The following UCK2 variants were observed in gnomAD, a reference collection of about 807,000 sequenced individuals.
The protein encoded by UCK2 is uridine-cytidine kinase 2, also known as cytidine monophosphokinase 2.
In UCK2, 6 loss-of-function variants were observed where a neutral mutation model predicts 30.8. The ratio of observed to expected loss-of-function variants is 0.19; its 90% CI spans 0.11 to 0.38. UCK2 has a LOEUF of 0.38. Ranked by LOEUF, UCK2 falls within the 10% of genes least tolerant of loss-of-function variation. The probability of loss-of-function intolerance (pLI) is 1.00; values close to 1 mark genes in which losing one functional copy is unlikely to be tolerated. For synonymous variants in UCK2, 125 were observed against 133.6 expected (o/e 0.94, Z 0.45); for missense variants, 210 against 339.8 (o/e 0.62, Z 3.00).
intron 3 of UCK2, among the ~76,000 whole-genome samples, chr1:165,892,412 A>G (rs1655793994): frequency 1.3e-5 from 2 of 152,176 alleles, no homozygotes; most frequent in Admixed American, 6.5e-5. Flanking sequence ...CTGGAGCAGA[A>G]GCTGGGGTTC....
chr1:165,852,951 T>C (rs1654635171), intron 1 of UCK2, among the ~76,000 whole-genome samples: 2 of 152,260 alleles, frequency 1.3e-5, no homozygotes, highest in Admixed American at 6.5e-5. Context: ...TAAAGGTTAT[T>C]GTTCCCAAGT....
At chr1:165,860,412 CATG>C in intron 1 of UCK2, among the ~76,000 whole-genome samples, 1 of 152,250 alleles carries the variant, frequency 6.6e-6, no homozygotes, top group African/African-American at 2.4e-5. Context: ...TGCAGTTGTG[CATG>C]ATGTTTGTGC....
chr1:165,896,134 C>G, intron 3 of UCK2, 56 bp from the exon 4 acceptor site: 2 of 1,607,628 alleles, frequency 1.2e-6, no homozygotes, highest in South Asian at 1.1e-5. Flanking sequence ...CCCTTGTTCT[C>G]TGTCCCTTGC....
chr1:165,901,532 CA>C (rs1647463400), intron 4 of UCK2, among the ~76,000 whole-genome samples: 1 of 152,136 alleles, frequency 6.6e-6, no homozygotes, highest in Non-Finnish European at 1.5e-5. Flanking sequence ...TGTTCGTTTA[CA>C]GTGAGTTTCA....
chr1:165,880,962 AGG>A (rs1655483391), intron 1 of UCK2, among the ~76,000 whole-genome samples: 1 of 152,024 alleles, frequency 6.6e-6, no homozygotes, highest in South Asian at 2.1e-4. Flanking sequence ...ACTTTGGGTC[AGG>A]AGTTCGAGAC....
chr1:165,835,310 A>G (rs1288569075), intron 1 of UCK2, among the ~76,000 whole-genome samples: 1 of 151,676 alleles, frequency 6.6e-6, no homozygotes, highest in Non-Finnish European at 1.5e-5. Context: ...TTTTGCACAT[A>G]TAATATATAT....
At chr1:165,841,708 C>T (rs578122880) in intron 1 of UCK2, among the ~76,000 whole-genome samples, 1 of 152,302 alleles carries the variant, frequency 6.6e-6, no homozygotes, top group South Asian at 2.1e-4. Context: ...AGGTCTGACT[C>T]ATCTGTGCTA....
chr1:165,876,491 T>A lies in UCK2; in HGVS notation c.100-13713T>A, dbSNP rs141260867. Among the ~76,000 whole-genome samples the A allele has an allele frequency of 5.8e-3, 882 of 152,264 alleles. 4 individuals are homozygous for A. The highest frequency in any genetic ancestry group is 8.7e-3 in the Non-Finnish European group (591 of 68,024). On this transcript the variant is annotated intron_variant, in intron 1 of 6. Transcript: ENST00000367879. ...ACCAGGAAAAATTCTGCAGGACAAG[T>A]TTGTAAAATGCAATGATACATCTTT... is the stretch of plus-strand genomic sequence containing the variant.
At chr1:165,852,849 G>A (rs1411590971) in intron 1 of UCK2, among the ~76,000 whole-genome samples, 1 of 152,208 alleles carries the variant, frequency 6.6e-6, no homozygotes, top group Non-Finnish European at 1.5e-5. Context: ...AGCATGGGAA[G>A]TGTTGCCACA....
Position 165,828,323 on chromosome 1 carries a change from C to T in UCK2, c.99+391C>T, listed in dbSNP as rs922278024. Among the ~76,000 whole-genome samples, 11 of 152,200 alleles carry T rather than the reference C, an allele frequency of 7.2e-5. No individual in the cohort carries two copies. The East Asian group carries it at 1.5e-3, about 21-fold the overall frequency. On this transcript the variant is annotated intron_variant, in intron 1 of 6. Transcript: ENST00000367879. Reference sequence around the variant, plus strand: ...TCCCCCACTAACCCCCGATGGACTCCCTCAAGCCCCGGTCTGGCACAGACG... The same window carrying T: ...TCCCCCACTAACCCCCGATGGACTCTCTCAAGCCCCGGTCTGGCACAGACG...
intron 4 of UCK2, among the ~76,000 whole-genome samples, chr1:165,898,330 C>T (rs1410201061): frequency 6.6e-6 from 1 of 152,118 alleles, no homozygotes; most frequent in Non-Finnish European, 1.5e-5. Flanking sequence ...ATGATTGGTA[C>T]TTCTGGGATA....
At chr1:165,831,630 A>G (rs992211789) in intron 1 of UCK2, among the ~76,000 whole-genome samples, 3 of 152,208 alleles carry the variant, frequency 2.0e-5, no homozygotes, top group Admixed American at 1.3e-4. Context: ...GGTCTTCCTT[A>G]GGAATAGCTC....
chr1:165,833,565 ACT>A (rs1486409998), intron 1 of UCK2, among the ~76,000 whole-genome samples: 1 of 151,816 alleles, frequency 6.6e-6, no homozygotes, highest in Non-Finnish European at 1.5e-5. Context: ...TCTGATGCTC[ACT>A]CTGTTTGTGG....
At chr1:165,866,538 C>T (rs1023296506) in intron 1 of UCK2, among the ~76,000 whole-genome samples, 2 of 152,244 alleles carry the variant, frequency 1.3e-5, no homozygotes, top group Non-Finnish European at 2.9e-5. Flanking sequence ...GCAAAATATA[C>T]ATAACGTAAA....
At chr1:165,850,434 T>C (rs1358140695) in intron 1 of UCK2, among the ~76,000 whole-genome samples, 5 of 150,494 alleles carry the variant, frequency 3.3e-5, no homozygotes, top group African/African-American at 1.2e-4. Context: ...CCGGCCTTAT[T>C]TTTTAATTTT....
intron 1 of UCK2, among the ~76,000 whole-genome samples, chr1:165,864,610 A>C (rs547217011): frequency 1.3e-5 from 2 of 152,350 alleles, no homozygotes; most frequent in South Asian, 2.1e-4. Context: ...GTATGTATGG[A>C]ACTTACATAT....
intron 1 of UCK2, among the ~76,000 whole-genome samples, chr1:165,849,633 T>C (rs979705491): frequency 4.6e-5 from 7 of 152,248 alleles, no homozygotes; most frequent in Non-Finnish European, 1.0e-4. Context: ...TAGAGAAACA[T>C]GAAATTTCTG....
intron 3 of UCK2, chr1:165,895,505 A>C: frequency 1.0e-6 from 1 of 985,422 alleles, no homozygotes; most frequent in Non-Finnish European, 1.2e-6. Context: ...GGATGAGGTC[A>C]TGCATATTTC....
At chr1:165,902,770 A>C (rs1435113231) in intron 4 of UCK2, 1 of 162,054 alleles carries the variant, frequency 6.2e-6, no homozygotes, top group Admixed American at 5.8e-5. Context: ...TTCTGAACGC[A>C]GGTAAGTGCA....
Sources: gnomAD v4.1 joint callset for allele counts (sites outside exome capture counted in the v4.1 genomes callset) on GRCh38, gnomAD v4.1.1 for gene constraint, MANE v1.5 for transcripts, NCBI Gene and HGNC (gene_info 2026-07-23, HGNC 2026-07-21) for gene names.